Variants in SHROOM3 observed in about 807,000 individuals in gnomAD.
The protein encoded by SHROOM3 is shroom family member 3.
In SHROOM3, 47 loss-of-function variants were observed where a neutral mutation model predicts 138.6. The observed-to-expected ratio is 0.34, with a 90% confidence interval of 0.27 to 0.43. SHROOM3 has a LOEUF of 0.43. Ranked by LOEUF, SHROOM3 falls within the 20% of genes least tolerant of loss-of-function variation. The pLI, the probability that SHROOM3 is intolerant of heterozygous loss-of-function variation, is 1.00. For synonymous variants in SHROOM3, 1,062 were observed against 1,063.3 expected (o/e 1.00, Z 0.02); for missense variants, 2,491 against 2,596.5 (o/e 0.96, Z 0.88).
chr4:76,714,439 A>G (rs1453647106), intron 3 of SHROOM3, among the ~76,000 whole-genome samples: 2 of 152,188 alleles, frequency 1.3e-5, no homozygotes, highest in Non-Finnish European at 2.9e-5. Flanking sequence ...GCTTTTGACA[A>G]TACCACAGAA....
At chr4:76,537,097 A>G (rs983690863) in intron 1 of SHROOM3, among the ~76,000 whole-genome samples, 2 of 152,206 alleles carry the variant, frequency 1.3e-5, no homozygotes, top group African/African-American at 4.8e-5. Context: ...TGGGTGACAG[A>G]GCGAGACTCC....
intron 2 of SHROOM3, among the ~76,000 whole-genome samples, chr4:76,619,336 C>T (rs1157426087): frequency 6.6e-6 from 1 of 152,130 alleles, no homozygotes; most frequent in African/African-American, 2.4e-5. Context: ...CCCGTGATCA[C>T]AGTGCTGAGT....
intron 2 of SHROOM3, among the ~76,000 whole-genome samples, chr4:76,657,840 G>C (rs1736098082): frequency 6.6e-6 from 1 of 152,200 alleles, no homozygotes; most frequent in African/African-American, 2.4e-5. Flanking sequence ...AGACTGGGCT[G>C]GTTTCAGGAC....
At chr4:76,503,258 A>C (rs1732139093) in intron 1 of SHROOM3, among the ~76,000 whole-genome samples, 1 of 151,918 alleles carries the variant, frequency 6.6e-6, no homozygotes, top group Admixed American at 6.6e-5. Context: ...TAACATCTAA[A>C]CATTTCAATT....
intron 2 of SHROOM3, among the ~76,000 whole-genome samples, chr4:76,625,490 T>G (rs1735112506): frequency 7.1e-6 from 1 of 140,054 alleles, no homozygotes; most frequent in African/African-American, 2.6e-5. Context: ...TAGTCCCTCC[T>G]CCCACCCAGC....
chr4:76,553,165 T>C (rs2110027922), intron 1 of SHROOM3, among the ~76,000 whole-genome samples: 1 of 151,198 alleles, frequency 6.6e-6, no homozygotes, highest in South Asian at 2.1e-4. Flanking sequence ...TGTTTTGTTT[T>C]GTTTTGAGAC....
intron 1 of SHROOM3, among the ~76,000 whole-genome samples, chr4:76,546,655 T>C (rs1160306973): frequency 6.6e-6 from 1 of 152,234 alleles, no homozygotes; most frequent in Non-Finnish European, 1.5e-5. Flanking sequence ...TTGACGTCTT[T>C]TGTTATCCAC....
At chr4:76,549,526 G>A (rs1186986044) in intron 1 of SHROOM3, among the ~76,000 whole-genome samples, 2 of 152,066 alleles carry the variant, frequency 1.3e-5, no homozygotes, top group African/African-American at 4.8e-5. Context: ...GTGCCACCAT[G>A]CCCGCCTAAT....
chr4:76,467,144 G>A (rs1377834431), intron 1 of SHROOM3, among the ~76,000 whole-genome samples: 1 of 150,948 alleles, frequency 6.6e-6, no homozygotes, highest in Non-Finnish European at 1.5e-5. Flanking sequence ...CTGGGCTCAA[G>A]TGATCCTCCC....
intron 2 of SHROOM3, among the ~76,000 whole-genome samples, chr4:76,680,408 G>A (rs1366880860): frequency 2.0e-5 from 3 of 152,096 alleles, no homozygotes; most frequent in Non-Finnish European, 2.9e-5. Context: ...CAAAGTACTG[G>A]GATTACAGGC....
chr4:76,557,201 G>A (rs1359690626), intron 2 of SHROOM3, among the ~76,000 whole-genome samples: 1 of 144,082 alleles, frequency 6.9e-6, no homozygotes, highest in Non-Finnish European at 1.5e-5. Context: ...AGAAAATGTG[G>A]TGTATATATG....
rs1258554289 is a variant in SHROOM3, at chr4:76,770,811, C to T, written c.5535C>T (p.Val1845=). The change falls in exon 10 of 11, where the codon GTC becomes GTT. Residue 1845 remains valine, a synonymous_variant. Coordinates refer to ENST00000296043, the MANE Select transcript of SHROOM3 (RefSeq NM_020859.4). ...RMFIGDLDKV[V]NLLLSLSGRL... is the part of the protein sequence containing the mutation. ...TCATAGGGGATTTGGACAAGGTGGT[C>T]AACCTGCTGCTCTCCCTCTCGGGGC... 6.2e-7 allele frequency: 1 copy of T among 1,614,192 alleles called. No individual in the cohort carries two copies. The highest frequency in any genetic ancestry group is 8.5e-7 in the Non-Finnish European group (1 of 1,180,032).
intron 2 of SHROOM3, among the ~76,000 whole-genome samples, chr4:76,642,082 C>T (rs950215171): frequency 1.4e-4 from 22 of 152,094 alleles, no homozygotes; most frequent in African/African-American, 5.3e-4. Flanking sequence ...CTCATTCTTT[C>T]CTGATTGTTT....
chr4:76,453,537 G>A (rs1175413711), intron 1 of SHROOM3, among the ~76,000 whole-genome samples: 1 of 151,960 alleles, frequency 6.6e-6, no homozygotes, highest in Non-Finnish European at 1.5e-5. Context: ...AAAGTGCTGG[G>A]ATGAGCCACT....
chr4:76,626,729 C>T (rs1359226874), intron 2 of SHROOM3, among the ~76,000 whole-genome samples: 3 of 152,184 alleles, frequency 2.0e-5, no homozygotes, highest in Non-Finnish European at 4.4e-5. Context: ...AGGTGAAACA[C>T]CTTGGCCAAG....
intron 1 of SHROOM3, among the ~76,000 whole-genome samples, chr4:76,516,062 G>A (rs62300881): frequency 0.032 from 4,947 of 152,252 alleles, 115 homozygotes; most frequent in Non-Finnish European, 0.045. Context: ...TTGGGAGTCA[G>A]GTTAGTGTGT....
At chr4:76,500,527 A>G (rs1732068058) in intron 1 of SHROOM3, among the ~76,000 whole-genome samples, 1 of 152,156 alleles carries the variant, frequency 6.6e-6, no homozygotes, top group Non-Finnish European at 1.5e-5. Flanking sequence ...AGTGGATACT[A>G]CCAAATAGTT....
intron 4 of SHROOM3, among the ~76,000 whole-genome samples, chr4:76,736,118 G>GGA (rs1721064960): frequency 6.6e-6 from 1 of 151,366 alleles, no homozygotes; most frequent in African/African-American, 2.4e-5. Context: ...CATTTCCCCT[G>GGA]GAAGTATTAG....
At chr4:76,579,801 G>T (rs1322333857) in intron 2 of SHROOM3, among the ~76,000 whole-genome samples, 1 of 152,196 alleles carries the variant, frequency 6.6e-6, no homozygotes, top group Non-Finnish European at 1.5e-5. Flanking sequence ...TTCATCTCCA[G>T]CCAACTGACA....
Sources: allele counts gnomAD v4.1 joint callset (sites outside exome capture counted in the v4.1 genomes callset), GRCh38; gene constraint gnomAD v4.1.1; transcripts MANE v1.5; gene names NCBI Gene and HGNC (gene_info 2026-07-23, HGNC 2026-07-21).